ASIP: variants seen among roughly 807,000 people sequenced by gnomAD.
ASIP encodes the protein agouti-signaling protein.
In ASIP, 11 loss-of-function variants were observed where a neutral mutation model predicts 10.3. The observed-to-expected ratio is 1.07, with a 90% CI of 0.68 to 1.78. The LOEUF is 1.78. Among genes scored for constraint, ASIP ranks in the 40% most tolerant of loss-of-function variants. ASIP has a pLI of 0.00. For synonymous variants in ASIP, 70 were observed against 70.8 expected (o/e 0.99, Z 0.06); for missense variants, 180 against 169.2 (o/e 1.06, Z -0.35).
At chr20:34,240,939 C>T (rs1227939943), upstream of ASIP, among the ~76,000 whole-genome samples, 1 of 152,100 alleles carries the variant, frequency 6.6e-6, no homozygotes, top group African/African-American at 2.4e-5. Context: ...ATGACGTTTG[C>T]TTGGCTGAAA....
At chr20:34,259,749 TA>T (rs879668897) in intron 1 of ASIP, among the ~76,000 whole-genome samples, 416 of 142,266 alleles carry the variant, frequency 2.9e-3, no homozygotes, top group East Asian at 2.8e-3. Flanking sequence ...AGACTCCATC[TA>T]AAAAAAAAAA....
At chr20:34,234,674 C>T (rs1005717522) in intron 1 of ASIP, among the ~76,000 whole-genome samples, 5 of 151,908 alleles carry the variant, frequency 3.3e-5, no homozygotes, top group South Asian at 2.1e-4. Flanking sequence ...TGGTGGCAGG[C>T]GCCTATAATC....
intron 1 of ASIP, among the ~76,000 whole-genome samples, chr20:34,244,908 A>G (rs916399562): frequency 5.3e-5 from 8 of 152,240 alleles, no homozygotes; most frequent in African/African-American, 1.9e-4. Flanking sequence ...TCAATGAAGC[A>G]AGGAGACGTA....
At chr20:34,215,792 G>C (rs2035004185) in intron 1 of ASIP, 3 of 1,542,824 alleles carry the variant, frequency 1.9e-6, no homozygotes, top group Non-Finnish European at 2.7e-6. Flanking sequence ...CACCTGCCAG[G>C]CATCTGGGGA....
intron 1 of ASIP, chr20:34,234,918 A>G (rs1185544551): frequency 6.6e-6 from 1 of 152,118 alleles, no homozygotes; most frequent in Non-Finnish European, 1.5e-5. Context: ...TTGTTTGCAC[A>G]TTATTTTCTC....
chr20:34,244,792 A>G (rs1364866684), intron 1 of ASIP, among the ~76,000 whole-genome samples: 3 of 152,168 alleles, frequency 2.0e-5, no homozygotes, highest in Admixed American at 6.5e-5. Context: ...AGCTCGAACA[A>G]CTCCTACCAA....
intron 1 of ASIP, among the ~76,000 whole-genome samples, chr20:34,252,238 A>G (rs1166019091): frequency 6.6e-6 from 1 of 152,230 alleles, no homozygotes; most frequent in African/African-American, 2.4e-5. Flanking sequence ...ACCGGTGCTC[A>G]GTATACAGAG....
chr20:34,245,062 A>G (rs1249233855), intron 1 of ASIP, among the ~76,000 whole-genome samples: 2 of 152,144 alleles, frequency 1.3e-5, no homozygotes, highest in African/African-American at 2.4e-5. Flanking sequence ...CAGGCCGGGC[A>G]CAGTGGCTCA....
intron 1 of ASIP, chr20:34,250,104 A>T (rs991843767): frequency 1.3e-5 from 2 of 152,026 alleles, no homozygotes; most frequent in African/African-American, 2.4e-5. Context: ...TTTACCAAGA[A>T]CCCCCAGGTC....
At chr20:34,199,597 C>T (rs972914189) in intron 1 of ASIP, among the ~76,000 whole-genome samples, 1 of 152,082 alleles carries the variant, frequency 6.6e-6, no homozygotes, top group Non-Finnish European at 1.5e-5. Flanking sequence ...TATTTATTGG[C>T]CTTTTGACTA....
chr20:34,200,234 G>A (rs1050391678), intron 1 of ASIP, among the ~76,000 whole-genome samples: 3 of 152,050 alleles, frequency 2.0e-5, no homozygotes, highest in Non-Finnish European at 2.9e-5. Context: ...CATTTCACCC[G>A]ATGAGCATTT....
the ASIP span, among the ~76,000 whole-genome samples, chr20:34,186,925 T>C: frequency 6.6e-5 from 10 of 152,140 alleles, no homozygotes; most frequent in Non-Finnish European, 1.3e-4. Context: ...GCGATTCTCC[T>C]GCCTCAGCCT....
intron 1 of ASIP, among the ~76,000 whole-genome samples, chr20:34,207,049 T>C (rs1185830063): frequency 6.6e-6 from 1 of 152,228 alleles, no homozygotes; most frequent in Non-Finnish European, 1.5e-5. Context: ...ATATGGTAGT[T>C]CTATTTTTAG....
At chr20:34,257,068 CTCT>C (rs1568767734) in intron 1 of ASIP, among the ~76,000 whole-genome samples, 2 of 107,600 alleles carry the variant, frequency 1.9e-5, no homozygotes, top group Admixed American at 1.0e-4. Context: ...CTCTTTCTTT[CTCT>C]TTTTTTTTTT....
At chr20:34,201,893 C>G (rs2034902369) in intron 1 of ASIP, among the ~76,000 whole-genome samples, 1 of 152,144 alleles carries the variant, frequency 6.6e-6, no homozygotes, top group Admixed American at 6.5e-5. Context: ...TTCTAGAACA[C>G]TAAAAATTTT....
chr20:34,247,640 A>T (rs948873203), intron 1 of ASIP, among the ~76,000 whole-genome samples: 23 of 150,722 alleles, frequency 1.5e-4, no homozygotes, highest in African/African-American at 5.6e-4. Flanking sequence ...ACATGGTCTC[A>T]TTCTGTTCCC....
At chr20:34,224,144 GACCTTCCC>G (rs1239586460) in intron 1 of ASIP, among the ~76,000 whole-genome samples, 138 of 146,438 alleles carry the variant, frequency 9.4e-4, no homozygotes, top group African/African-American at 3.0e-3. Context: ...TTTATCTGCT[GACCTTCCC>G]TCCACTGTTG....
chr20:34,257,064 C>CTCTTTTTTTTTTTTT (rs1568767637), intron 1 of ASIP, among the ~76,000 whole-genome samples: 1 of 125,604 alleles, frequency 8.0e-6, no homozygotes, highest in Admixed American at 8.8e-5. Flanking sequence ...CTCTCTCTTT[C>CTCTTTTTTTTTTTTT]TTTCTCTTTT....
chr20:34,260,474 A>C lies in ASIP; in HGVS notation c.100A>C (p.Arg34=). The C allele has an allele frequency of 6.2e-7, 1 of 1,614,102 alleles. No homozygotes were observed. Among genetic ancestry groups the C allele is most frequent in the Non-Finnish European group, 8.5e-7 (1 of 1,179,988 alleles). ...ACCTGAGGAGAAGCTCCGAGATGAC[A>C]GGAGCCTGAGAAGCAACTCCTCTGT... is the stretch of plus-strand genomic sequence containing the variant. The part of the protein sequence containing the change: ...LPPEEKLRDD[R]SLRSNSSVNL... The change falls in exon 2 of 4, where the codon AGG becomes CGG. Residue 34 remains arginine, a synonymous_variant. Transcript: ENST00000374954.
Sources: allele counts gnomAD v4.1 joint callset (sites outside exome capture counted in the v4.1 genomes callset), GRCh38; gene constraint gnomAD v4.1.1; transcripts MANE v1.5; gene names NCBI Gene and HGNC (gene_info 2026-07-23, HGNC 2026-07-21).